CLDN14: variants seen among roughly 807,000 people sequenced by gnomAD.
CLDN14 encodes claudin-14.
CLDN14 carries 2 observed loss-of-function variants against 2.1 expected under a neutral mutation model. The observed-to-expected ratio is 0.96, with a 90% CI of 0.39 to 3.01. The LOEUF (loss-of-function observed/expected upper bound fraction) is 3.01, where lower values mean the gene tolerates loss of function less well. Among genes scored for constraint, CLDN14 ranks in the 30% most tolerant of loss-of-function variants. The pLI, the probability that CLDN14 is intolerant of heterozygous loss-of-function variation, is 0.09. For missense variants in CLDN14, 298 were observed against 328.0 expected, an observed-to-expected ratio of 0.91 and a Z score of 0.71; for synonymous variants, 136 against 154.4, an observed-to-expected ratio of 0.88 and a Z score of 0.88.
chr21:36,539,318 G>C (rs2087458839), intron 1 of CLDN14, among the ~76,000 whole-genome samples: 1 of 152,120 alleles, frequency 6.6e-6, no homozygotes, highest in African/African-American at 2.4e-5. Flanking sequence ...TGCAGAGTGA[G>C]TGCGTGTGGA....
chr21:36,525,960 C>T lies in CLDN14; in HGVS notation c.-219-15460G>A, dbSNP rs548393076. ...GCCTGGCCCCTGGACCAGAGGGAAGCGGCACGATGAAGGTATGAGAGTGTT... is the reference window on the plus strand; with the variant it reads ...GCCTGGCCCCTGGACCAGAGGGAAGTGGCACGATGAAGGTATGAGAGTGTT... On this transcript the variant is annotated intron_variant, in intron 1 of 2. Transcript: ENST00000342108. 3.9e-5 allele frequency among the ~76,000 whole-genome samples: 6 copies of T among 152,236 alleles called. No individual in the cohort carries two copies. The East Asian group carries it at 7.7e-4, about 20-fold the overall frequency.
rs551943831 is a variant in CLDN14 at position 36,536,817 on chromosome 21, A to G, written c.-219-26317T>C. 5.3e-5 allele frequency among the ~76,000 whole-genome samples: 8 copies of G among 152,352 alleles called. No homozygotes were observed. The East Asian group carries it at 1.5e-3, about 29-fold the overall frequency. On this transcript the variant is annotated intron_variant, in intron 1 of 2. Transcript: ENST00000342108. ...GTAGATAAGATGTCAATAAACCTGC[A>G]TGGCAACATATCTTGAGGAAATTGC...
At chr21:36,559,705 C>T (rs909921213) in intron 1 of CLDN14, among the ~76,000 whole-genome samples, 3 of 152,144 alleles carry the variant, frequency 2.0e-5, no homozygotes, top group Non-Finnish European at 2.9e-5. Flanking sequence ...ACAGAAAGTA[C>T]AAATATGAAT....
At position 36,499,813 on chromosome 21, in the gene CLDN14, A is replaced by T. The variant is rs2146475420; in HGVS notation, c.-82+10550T>A. On this transcript the variant is annotated intron_variant, in intron 2 of 2. Transcript: ENST00000342108. This position sits in a 1 kb window ranked among gnomAD's most constrained non-coding sequence, Gnocchi z 4.7. ...GCAGGGATTTATTGCTCCTTAGATG[A>T]TCAATGCTGCCCCCAGGGCTGCTGT... Among the ~76,000 whole-genome samples, 1 of 152,122 alleles carries T rather than the reference A, an allele frequency of 6.6e-6. No individual in the cohort carries two copies. The highest frequency in any genetic ancestry group is 2.4e-5 in the African/African-American group (1 of 41,472).
At position 36,544,814 on chromosome 21, in the gene CLDN14, A is replaced by G. The variant is rs1257606107; in HGVS notation, c.-220+31597T>C. 1.3e-5 allele frequency among the ~76,000 whole-genome samples: 2 copies of G among 152,244 alleles called. No homozygotes were observed. Among genetic ancestry groups the G allele is most frequent in the African/African-American group, 4.8e-5 (2 of 41,468 alleles). On this transcript the variant is annotated intron_variant, in intron 1 of 2. Transcript: ENST00000342108. The surrounding 1 kb of genome is among the most constrained non-coding windows in gnomAD (Gnocchi z 4.1). ...TCCGCGAAGTAAGACATGTGCACAG[A>G]GCAACCATGTGAAAACAATTAGGAC...
chr21:36,523,663 G>A (rs1025336735), intron 1 of CLDN14, among the ~76,000 whole-genome samples: 5 of 150,068 alleles, frequency 3.3e-5, no homozygotes, highest in Non-Finnish European at 7.4e-5. Context: ...CAGGAGAATC[G>A]CTTGGACCCG....
chr21:36,558,762 G>GGT (rs1555855251), intron 1 of CLDN14, among the ~76,000 whole-genome samples: 6 of 148,032 alleles, frequency 4.1e-5, no homozygotes, highest in Non-Finnish European at 9.0e-5. Flanking sequence ...ACAAGGTGGG[G>GGT]TTTTTTTTTT....
intron 1 of CLDN14, among the ~76,000 whole-genome samples, chr21:36,555,630 T>G (rs1006956839): frequency 1.3e-5 from 2 of 152,152 alleles, no homozygotes; most frequent in Non-Finnish European, 2.9e-5. Context: ...TATGACCCCA[T>G]GGGCTCCAGA....
chr21:36,500,501 G>A (rs368276575), intron 2 of CLDN14, among the ~76,000 whole-genome samples: 15 of 152,050 alleles, frequency 9.9e-5, no homozygotes, highest in South Asian at 2.1e-4. Flanking sequence ...GTGCAATCTC[G>A]GTTCACCGCA....
At chr21:36,514,664 G>T (rs73902557) in intron 1 of CLDN14, among the ~76,000 whole-genome samples, 1 of 134,680 alleles carries the variant, frequency 7.4e-6, no homozygotes, top group East Asian at 2.0e-4. Context: ...TGTGTGTGTA[G>T]AGAGACAGGA....
chr21:36,508,312 A>C (rs1382996141), intron 2 of CLDN14, among the ~76,000 whole-genome samples: 8 of 152,190 alleles, frequency 5.3e-5, no homozygotes, highest in Non-Finnish European at 1.0e-4. Context: ...AAGTGTCAAA[A>C]AGCTACTTTC....
chr21:36,502,029 A>G (rs756148421), intron 2 of CLDN14, among the ~76,000 whole-genome samples: 1 of 152,100 alleles, frequency 6.6e-6, no homozygotes, highest in Non-Finnish European at 1.5e-5. Context: ...TAGAGGTTGG[A>G]AGAGGCAGGA....
chr21:36,495,795 G>A (rs1353684518), intron 2 of CLDN14, among the ~76,000 whole-genome samples: 1 of 152,204 alleles, frequency 6.6e-6, no homozygotes, highest in Admixed American at 6.5e-5. Flanking sequence ...GGTGTAATGA[G>A]TTAAGATGAG....
chr21:36,570,451 C>G (rs393851), intron 1 of CLDN14, among the ~76,000 whole-genome samples: 113,966 of 152,034 alleles, frequency 0.75, 44,182 homozygotes, highest in Non-Finnish European at 0.87. Flanking sequence ...GATGCCCTTG[C>G]CTGAGAGGAG....
intron 1 of CLDN14, among the ~76,000 whole-genome samples, chr21:36,536,828 T>C (rs1183755913): frequency 6.6e-6 from 1 of 152,206 alleles, no homozygotes; most frequent in Non-Finnish European, 1.5e-5. Context: ...TGGCAACATA[T>C]CTTGAGGAAA....
intron 1 of CLDN14, among the ~76,000 whole-genome samples, chr21:36,567,027 A>G (rs1219274406): frequency 6.6e-6 from 1 of 152,138 alleles, no homozygotes; most frequent in African/African-American, 2.4e-5. Context: ...CTGGAGCTAC[A>G]TTTTCCAGGG....
upstream of CLDN14, among the ~76,000 whole-genome samples, chr21:36,482,513 A>AT (rs1294876196): frequency 6.6e-6 from 1 of 152,134 alleles, no homozygotes; most frequent in Non-Finnish European, 1.5e-5. Context: ...AGCTTGATTC[A>AT]TTTTTTGATT....
At chr21:36,554,753 C>T (rs448482) in intron 1 of CLDN14, among the ~76,000 whole-genome samples, 113,452 of 151,920 alleles carry the variant, frequency 0.75, 43,917 homozygotes, top group Non-Finnish European at 0.87. Flanking sequence ...TTAAAGTTCC[C>T]TGAGGGCAGA....
At chr21:36,523,224 C>T (rs1231031875) in intron 1 of CLDN14, among the ~76,000 whole-genome samples, 1 of 152,216 alleles carries the variant, frequency 6.6e-6, no homozygotes, top group African/African-American at 2.4e-5. Context: ...TGGTTTCATG[C>T]ACCTGTGCTC....
Sources: allele counts gnomAD v4.1 joint callset (sites outside exome capture counted in the v4.1 genomes callset), GRCh38; gene constraint gnomAD v4.1.1; non-coding constraint Gnocchi (gnomAD v3.1); transcripts MANE v1.5; gene names NCBI Gene and HGNC (gene_info 2026-07-23, HGNC 2026-07-21).